Variants in PRKD1 observed in about 807,000 individuals in gnomAD.
The protein encoded by PRKD1 is serine/threonine-protein kinase D1.
In PRKD1, 63 loss-of-function variants were observed where a neutral mutation model predicts 95.9. The ratio of observed to expected loss-of-function variants is 0.66; its 90% CI spans 0.54 to 0.81. The LOEUF (loss-of-function observed/expected upper bound fraction) is 0.81. PRKD1 is among the 30% of genes least tolerant of loss of function. PRKD1 has a pLI of 0.00. For synonymous variants in PRKD1, 425 were observed against 423.1 expected (o/e 1.00, Z -0.05); for missense variants, 1,048 against 1,165.3 (o/e 0.90, Z 1.47).
chr14:29,635,885 G>A (rs1206659353), intron 7 of PRKD1, among the ~76,000 whole-genome samples: 2 of 152,150 alleles, frequency 1.3e-5, no homozygotes, highest in African/African-American at 4.8e-5. Context: ...ACAGTGAAGT[G>A]TACACAGACT....
chr14:29,873,620 T>C (rs1388167856), intron 1 of PRKD1, among the ~76,000 whole-genome samples: 1 of 152,194 alleles, frequency 6.6e-6, no homozygotes, highest in Non-Finnish European at 1.5e-5. Context: ...GTCCTTTGTA[T>C]ACATTAAACA....
rs1566622858 is a variant in PRKD1 at position 29,826,784 on chromosome 14, TATATACAC to T, written c.264+100457_264+100464del. Among the ~76,000 whole-genome samples, 27 of 51,606 alleles carry T rather than the reference TATATACAC, an allele frequency of 5.2e-4. 2 individuals carry two copies. The highest frequency in any genetic ancestry group is 1.6e-3 in the African/African-American group (22 of 13,748). The allele number at this position is 51,606 out of a possible 152,430, so 33.9% of individuals were successfully genotyped here. ...ATATATATATACACATATATATACA[TATATACAC>T]ATATATATACACATATATATACACA... On this transcript the variant is annotated intron_variant, in intron 1 of 17. Transcript: ENST00000331968.
intron 1 of PRKD1, among the ~76,000 whole-genome samples, chr14:29,797,288 ATTGT>A (rs1321483279): frequency 6.6e-6 from 1 of 152,182 alleles, no homozygotes; most frequent in Non-Finnish European, 1.5e-5. Context: ...TTGTAAACAA[ATTGT>A]TTGTAAGCGA....
intron 2 of PRKD1, among the ~76,000 whole-genome samples, chr14:29,686,341 AGT>A (rs1347780125): frequency 6.6e-6 from 1 of 152,188 alleles, no homozygotes; most frequent in Non-Finnish European, 1.5e-5. Context: ...GACCACAGGC[AGT>A]GTGTCAGTTG....
In PRKD1 at chr14:29,791,777, C is replaced by T. The variant is rs184247180; in HGVS notation, c.265-66103G>A. Reference sequence around the variant, plus strand: ...TTATTCCAAATAAAGCTATTATAGACATTTGTATATAATTCATAGTATAGA... The same window carrying T: ...TTATTCCAAATAAAGCTATTATAGATATTTGTATATAATTCATAGTATAGA... On this transcript the variant is annotated intron_variant, in intron 1 of 17. Coordinates refer to ENST00000331968, the MANE Select transcript of PRKD1 (RefSeq NM_002742.3). Among the ~76,000 whole-genome samples the T allele has an allele frequency of 4.6e-5, 7 of 152,128 alleles. No individual in the cohort carries two copies. The East Asian group carries it at 1.2e-3, about 25-fold the overall frequency.
intron 1 of PRKD1, among the ~76,000 whole-genome samples, chr14:29,862,044 C>A (rs1000169660): frequency 2.0e-5 from 3 of 152,158 alleles, no homozygotes; most frequent in Admixed American, 2.0e-4. Context: ...CCCTTCCCAG[C>A]CTCTAGTAAC....
chr14:29,746,525 CAT>C (rs560423661), intron 1 of PRKD1, among the ~76,000 whole-genome samples: 4 of 146,122 alleles, frequency 2.7e-5, no homozygotes, highest in African/African-American at 8.2e-5. Flanking sequence ...TGTGTGTGTA[CAT>C]ATATACACAC....
rs537179356 is a variant in PRKD1 at position 29,626,421 on chromosome 14, G to A, written c.1798+63C>T. Reference sequence around the variant, plus strand: ...CTTCTATGTTTTTCCTGTAAATATCGCTTTTTAAAATATAACTAGCAAAAA... The same window carrying A: ...CTTCTATGTTTTTCCTGTAAATATCACTTTTTAAAATATAACTAGCAAAAA... On this transcript the variant is annotated intron_variant, in intron 12 of 17. Coordinates refer to ENST00000331968, the MANE Select transcript of PRKD1 (RefSeq NM_002742.3). 64 of 1,286,328 alleles carry A rather than the reference G, an allele frequency of 5.0e-5. 1 individual carries two copies. In the South Asian group the frequency reaches 5.5e-4, roughly 11 times the overall value. The allele number at this position is 1,286,328 out of a possible 1,614,324, so 79.7% of individuals were successfully genotyped here.
intron 1 of PRKD1, among the ~76,000 whole-genome samples, chr14:29,866,365 T>C (rs904451651): frequency 1.1e-4 from 17 of 152,218 alleles, no homozygotes; most frequent in Admixed American, 1.3e-4. Context: ...TTCTATACTA[T>C]GTAGTTGGTT....
At chr14:29,758,064 G>A (rs1157392473) in intron 1 of PRKD1, among the ~76,000 whole-genome samples, 4 of 152,068 alleles carry the variant, frequency 2.6e-5, no homozygotes, top group African/African-American at 9.7e-5. Context: ...TGTTTCCTGG[G>A]TGTGTCTCTT....
intron 1 of PRKD1, among the ~76,000 whole-genome samples, chr14:29,920,961 C>A (rs1471199540): frequency 6.6e-6 from 1 of 152,170 alleles, no homozygotes; most frequent in African/African-American, 2.4e-5. Flanking sequence ...TTTCCAAGCA[C>A]CTTCCTTCTC....
intron 13 of PRKD1, among the ~76,000 whole-genome samples, chr14:29,621,543 G>A (rs1046738880): frequency 5.3e-5 from 8 of 151,810 alleles, no homozygotes; most frequent in Admixed American, 3.3e-4. Context: ...TTATAATAAA[G>A]TATGAACTAC....
At chr14:29,802,098 A>C (rs1890058100) in intron 1 of PRKD1, among the ~76,000 whole-genome samples, 1 of 152,200 alleles carries the variant, frequency 6.6e-6, no homozygotes, top group African/African-American at 2.4e-5. Context: ...GAAGGAAGAA[A>C]GGAAGGGAGA....
At chr14:29,808,683 A>G (rs1890353158) in intron 1 of PRKD1, among the ~76,000 whole-genome samples, 1 of 151,988 alleles carries the variant, frequency 6.6e-6, no homozygotes, top group Admixed American at 6.6e-5. Flanking sequence ...TACAGGCATG[A>G]ACCACCTTCA....
chr14:29,620,244 C>T (rs1196505407), intron 13 of PRKD1, among the ~76,000 whole-genome samples: 6 of 151,392 alleles, frequency 4.0e-5, no homozygotes, highest in Non-Finnish European at 5.9e-5. Flanking sequence ...TAGGCATTAC[C>T]ATTCAGGACA....
chr14:29,879,418 G>T (rs1390977347), intron 1 of PRKD1, among the ~76,000 whole-genome samples: 1 of 152,160 alleles, frequency 6.6e-6, no homozygotes, highest in Non-Finnish European at 1.5e-5. Context: ...GTTTTCTCTT[G>T]CTGCCACCAC....
At chr14:29,591,882 T>C (rs1893143003) in intron 16 of PRKD1, among the ~76,000 whole-genome samples, 1 of 152,156 alleles carries the variant, frequency 6.6e-6, no homozygotes, top group South Asian at 2.1e-4. Context: ...GATATCTTGA[T>C]CTATTTCTTG....
intron 1 of PRKD1, among the ~76,000 whole-genome samples, chr14:29,849,577 C>CAAA (rs368009160): frequency 1.7e-4 from 24 of 139,702 alleles, no homozygotes; most frequent in African/African-American, 5.1e-4. Context: ...ACAACAACAA[C>CAAA]AAAAAAAAAA....
intron 4 of PRKD1, among the ~76,000 whole-genome samples, chr14:29,663,260 G>A (rs1199822895): frequency 6.6e-6 from 1 of 150,944 alleles, no homozygotes; most frequent in African/African-American, 2.4e-5. Context: ...TGGCATGTAT[G>A]CCAGTATGCC....
Sources: gnomAD v4.1 joint callset for allele counts (sites outside exome capture counted in the v4.1 genomes callset) on GRCh38, gnomAD v4.1.1 for gene constraint, MANE v1.5 for transcripts, NCBI Gene and HGNC (gene_info 2026-07-23, HGNC 2026-07-21) for gene names.